DMC1: variants seen among roughly 807,000 people sequenced by gnomAD.
The protein encoded by DMC1 is DNA meiotic recombinase 1, also known as meiotic recombination protein DMC1 homolog.
DMC1 carries 27 observed loss-of-function variants against 50.1 expected under a neutral mutation model. That is an observed-to-expected ratio of 0.54 (90% CI 0.40 to 0.74). DMC1 has a LOEUF of 0.74. Among genes scored for constraint, DMC1 ranks in the 30% least tolerant of loss-of-function variants. DMC1 has a pLI of 0.00. For missense variants in DMC1, 295 were observed against 420.2 expected (o/e 0.70, Z 2.60); for synonymous variants, 148 against 136.1 (o/e 1.09, Z -0.61).
intron 4 of DMC1, 90 bp from the exon 5 acceptor site, chr22:38,562,459 T>C: frequency 1.1e-6 from 1 of 888,234 alleles, no homozygotes; most frequent in Non-Finnish European, 1.9e-6. Flanking sequence ...ACTCAGTTAT[T>C]AAGATCATCA....
chr22:38,568,380 T>A, intron 1 of DMC1, 91 bp from the exon 2 acceptor site: 1 of 918,088 alleles, frequency 1.1e-6, no homozygotes, highest in Non-Finnish European at 1.7e-6. Flanking sequence ...AGAAGGACAG[T>A]AAGAGAAGCA....
chr22:38,529,439 C>A (rs1306577357), intron 12 of DMC1, among the ~76,000 whole-genome samples: 1 of 151,924 alleles, frequency 6.6e-6, no homozygotes, highest in East Asian at 1.9e-4. Flanking sequence ...TGTCAGGGAA[C>A]TAGGGAGTAT....
intron 4 of DMC1, among the ~76,000 whole-genome samples, chr22:38,564,695 G>A (rs1283935451): frequency 6.6e-6 from 1 of 152,222 alleles, no homozygotes; most frequent in East Asian, 1.9e-4. Flanking sequence ...GCAGTAGTGG[G>A]TGCTTGAGAA....
intron 4 of DMC1, among the ~76,000 whole-genome samples, chr22:38,563,943 G>A (rs903776076): frequency 6.6e-6 from 1 of 151,974 alleles, no homozygotes; most frequent in Admixed American, 6.6e-5. Context: ...CTCATGATCC[G>A]CCTGCCTCGG....
At chr22:38,523,183 C>T (rs947579855) in intron 12 of DMC1, among the ~76,000 whole-genome samples, 2 of 152,178 alleles carry the variant, frequency 1.3e-5, no homozygotes, top group East Asian at 1.9e-4. Context: ...AAGTAGTAGC[C>T]AGACAGTTGA....
chr22:38,534,603 T>C (rs1049850637), intron 12 of DMC1, among the ~76,000 whole-genome samples: 11 of 151,968 alleles, frequency 7.2e-5, no homozygotes, highest in African/African-American at 2.7e-4. Flanking sequence ...CTCGGGAGGC[T>C]GAGGCAGGAG....
At chr22:38,543,838 A>G (rs1428908884) in intron 8 of DMC1, among the ~76,000 whole-genome samples, 1 of 152,120 alleles carries the variant, frequency 6.6e-6, no homozygotes, top group African/African-American at 2.4e-5. Context: ...CCTTCCTGCC[A>G]AACTACTCAC....
chr22:38,560,993 A>T (rs1053710395), intron 5 of DMC1, among the ~76,000 whole-genome samples: 1 of 151,992 alleles, frequency 6.6e-6, no homozygotes, highest in Non-Finnish European at 1.5e-5. Flanking sequence ...TAAATTTAGT[A>T]ATTCCTTAAT....
chr22:38,526,499 C>T (rs745676482), intron 12 of DMC1, among the ~76,000 whole-genome samples: 4 of 151,754 alleles, frequency 2.6e-5, no homozygotes, highest in East Asian at 1.9e-4. Flanking sequence ...TGGGCCACCA[C>T]GCCTGGCCAA....
At chr22:38,552,458 T>TG (rs1318761521) in intron 7 of DMC1, among the ~76,000 whole-genome samples, 1 of 152,190 alleles carries the variant, frequency 6.6e-6, no homozygotes, top group Non-Finnish European at 1.5e-5. Context: ...TCTACTCAGG[T>TG]GTTCATAGTG....
chr22:38,526,088 G>T (rs1451403710), intron 12 of DMC1, among the ~76,000 whole-genome samples: 1 of 152,104 alleles, frequency 6.6e-6, no homozygotes, highest in Non-Finnish European at 1.5e-5. Context: ...TTAACTCCAG[G>T]AGACTATCAA....
intron 1 of DMC1, 90 bp from the exon 2 acceptor site, chr22:38,568,379 G>GT (rs1424398382): frequency 1.1e-6 from 1 of 922,868 alleles, no homozygotes; most frequent in African/African-American, 1.7e-5. Context: ...TAGAAGGACA[G>GT]TAAGAGAAGC....
rs577435689 is a variant in DMC1, at chr22:38,566,039, G to A, written c.243+551C>T. 1.2e-4 allele frequency among the ~76,000 whole-genome samples: 19 copies of A among 152,282 alleles called. 1 individual carries two copies. The South Asian group carries it at 3.9e-3, about 32-fold the overall frequency. ...TGCCTGTAATCCCAGCACTTTGGGA[G>A]GCCAGGGCAGGCAGATCACGAGGTC... On this transcript the variant is annotated intron_variant, in intron 4 of 13. Transcript: ENST00000216024.
At chr22:38,567,747 C>G (rs879064732) in intron 2 of DMC1, 120 bp from the exon 3 acceptor site, 3 of 754,606 alleles carry the variant, frequency 4.0e-6, no homozygotes, top group Non-Finnish European at 7.0e-6. Context: ...TTCCGCTTCT[C>G]TAGAGATTGA....
intron 6 of DMC1, among the ~76,000 whole-genome samples, chr22:38,553,993 G>A (rs538085773): frequency 4.0e-5 from 6 of 149,216 alleles, no homozygotes; most frequent in African/African-American, 7.5e-5. Flanking sequence ...TCAGCCAGGC[G>A]TGGTGGCAGT....
chr22:38,539,233 A>G (rs1289399591), intron 9 of DMC1, 88 bp downstream of exon 9: 6 of 945,756 alleles, frequency 6.3e-6, no homozygotes, highest in Non-Finnish European at 1.0e-5. Flanking sequence ...AATAGAAAAA[A>G]AGTATCAAAA....
chr22:38,518,134 A>G (rs1369450444), downstream of DMC1, among the ~76,000 whole-genome samples: 1 of 151,998 alleles, frequency 6.6e-6, no homozygotes, highest in South Asian at 2.1e-4. Flanking sequence ...CATCGCGCCC[A>G]GTTAATTTCA....
chr22:38,538,230 A>G, intron 11 of DMC1, 65 bp downstream of exon 11: 1 of 1,359,888 alleles, frequency 7.4e-7, no homozygotes. Flanking sequence ...ATTATATTCC[A>G]AGCTTCTCTG....
At chr22:38,549,848 A>G in intron 8 of DMC1, 77 bp downstream of exon 8, 1 of 1,089,378 alleles carries the variant, frequency 9.2e-7, no homozygotes, top group Non-Finnish European at 1.4e-6. Context: ...CAAAGATTGT[A>G]TATCTCAGAC....
Sources: allele counts gnomAD v4.1 joint callset (sites outside exome capture counted in the v4.1 genomes callset), GRCh38; gene constraint gnomAD v4.1.1; transcripts MANE v1.5; gene names NCBI Gene and HGNC (gene_info 2026-07-23, HGNC 2026-07-21).